Variants in DNM2 observed in about 807,000 individuals in gnomAD.
DNM2 encodes the protein dynamin 2, also known as dynamin-2.
Under a neutral mutation model 99.0 loss-of-function variants are expected in DNM2, and 15 were observed. That is an observed-to-expected ratio of 0.15 (90% CI 0.10 to 0.23). The LOEUF (loss-of-function observed/expected upper bound fraction) is 0.23. Among genes scored for constraint, DNM2 ranks in the 10% least tolerant of loss-of-function variants. The pLI is 1.00. For missense variants in DNM2, 742 were observed against 1,189.4 expected (o/e 0.62, Z 5.53); for synonymous variants, 525 against 481.2 (o/e 1.09, Z -1.19).
intron 1 of DNM2, among the ~76,000 whole-genome samples, chr19:10,750,238 G>A (rs2070145065): frequency 6.6e-6 from 1 of 152,132 alleles, no homozygotes; most frequent in Non-Finnish European, 1.5e-5. Context: ...CGGTGCTTTG[G>A]GAGGCCGATG....
At chr19:10,776,107 G>T (rs1405913120) in intron 4 of DNM2, among the ~76,000 whole-genome samples, 1 of 152,102 alleles carries the variant, frequency 6.6e-6, no homozygotes, top group African/African-American at 2.4e-5. Flanking sequence ...GCAGTTGGAC[G>T]GTCCTCCTTG....
intron 1 of DNM2, among the ~76,000 whole-genome samples, chr19:10,733,027 A>T (rs1327848610): frequency 2.7e-5 from 4 of 150,914 alleles, no homozygotes; most frequent in African/African-American, 9.8e-5. Context: ...GGGATTACAG[A>T]CACCTGTCAC....
chr19:10,816,510 C>T lies in DNM2; in HGVS notation c.1672-3470C>T, dbSNP rs527938675. 2.2e-4 allele frequency among the ~76,000 whole-genome samples: 34 copies of T among 152,170 alleles called. No individual in the cohort carries two copies. In the South Asian group the frequency reaches 3.9e-3, roughly 18 times the overall value. On this transcript the variant is annotated intron_variant, in intron 15 of 20. Transcript: ENST00000389253. This position sits in a 1 kb window ranked among gnomAD's most constrained non-coding sequence, Gnocchi z 4.6. ...CAGGCGTGGTCTGCAGCCTTCTCCC[C>T]GCCTCAGGCACCTCTAGGAACTCAC...
intron 15 of DNM2, among the ~76,000 whole-genome samples, chr19:10,813,283 G>A (rs1241089010): frequency 6.6e-6 from 1 of 152,200 alleles, no homozygotes; most frequent in East Asian, 1.9e-4. Flanking sequence ...CTGCGAGTGA[G>A]GGGGCAGGCC....
Position 10,776,581 on chromosome 19 carries a change from C to T in DNM2, c.590-537C>T, listed in dbSNP as rs144523885. Among the ~76,000 whole-genome samples the T allele has an allele frequency of 3.2e-3, 491 of 152,342 alleles. 1 individual carries two copies. The highest frequency in any genetic ancestry group is 0.011 in the African/African-American group (471 of 41,570). On this transcript the variant is annotated intron_variant, in intron 4 of 20. Transcript: ENST00000389253. ...AGCACAGAGCCAGGCCCTCAGCCCC[C>T]GTGGGAGCAGTTGATCTGCAGAGGT...
At chr19:10,737,901 T>C (rs745979825) in intron 1 of DNM2, among the ~76,000 whole-genome samples, 27 of 152,260 alleles carry the variant, frequency 1.8e-4, no homozygotes, top group Non-Finnish European at 2.8e-4. Flanking sequence ...CGATAGGTAA[T>C]CGGGGCACCC....
intron 6 of DNM2, among the ~76,000 whole-genome samples, chr19:10,785,278 C>A (rs567957881): frequency 4.6e-5 from 7 of 151,632 alleles, no homozygotes; most frequent in African/African-American, 1.5e-4. Flanking sequence ...TCACCACACC[C>A]GGCTAATTTT....
intron 2 of DNM2, 42 bp downstream of exon 2, chr19:10,759,853 G>A: frequency 6.2e-7 from 1 of 1,613,386 alleles, no homozygotes. Context: ...AGTGGATGTG[G>A]ATGTGTGGTT....
At chr19:10,721,712 A>AT (rs1199420560) in intron 1 of DNM2, among the ~76,000 whole-genome samples, 1 of 152,000 alleles carries the variant, frequency 6.6e-6, no homozygotes, top group Admixed American at 6.6e-5. Context: ...CCGAGCCTGG[A>AT]TTTTCTAAGG....
At chr19:10,736,286 AAG>A (rs989586791) in intron 1 of DNM2, among the ~76,000 whole-genome samples, 1 of 151,754 alleles carries the variant, frequency 6.6e-6, no homozygotes, top group Admixed American at 6.6e-5. Context: ...AAAAGAAAAA[AAG>A]AAAAAAATAG....
chr19:10,803,290 C>T (rs1215530149), intron 12 of DNM2, among the ~76,000 whole-genome samples: 1 of 152,138 alleles, frequency 6.6e-6, no homozygotes, highest in African/African-American at 2.4e-5. Flanking sequence ...ATCGGTGCAC[C>T]TGACAAAGCT....
At chr19:10,760,923 A>G (rs1599498084) in intron 2 of DNM2, among the ~76,000 whole-genome samples, 1 of 149,000 alleles carries the variant, frequency 6.7e-6, no homozygotes, top group East Asian at 2.0e-4. Flanking sequence ...AGCTTCCCAC[A>G]GTGCTGGGAT....
intron 1 of DNM2, among the ~76,000 whole-genome samples, chr19:10,730,738 G>A (rs1160482357): frequency 1.3e-5 from 2 of 152,224 alleles, no homozygotes; most frequent in African/African-American, 4.8e-5. Context: ...TTCGAGGGCT[G>A]TAAGATGGGG....
chr19:10,774,728 C>CTTTTTTTTTTTTTTT (rs34413054), intron 3 of DNM2, among the ~76,000 whole-genome samples: 1 of 121,458 alleles, frequency 8.2e-6, no homozygotes, highest in African/African-American at 3.2e-5. Context: ...TTGGCCTATG[C>CTTTTTTTTTTTTTTT]TTTTTTTTTT....
At chr19:10,804,274 A>G (rs2072259024) in intron 12 of DNM2, among the ~76,000 whole-genome samples, 1 of 152,096 alleles carries the variant, frequency 6.6e-6, no homozygotes, top group African/African-American at 2.4e-5. Context: ...CCTCACTGTC[A>G]CCCAGCCATC....
chr19:10,757,687 G>C (rs1036315866), intron 1 of DNM2, among the ~76,000 whole-genome samples: 4 of 152,176 alleles, frequency 2.6e-5, no homozygotes, highest in African/African-American at 9.7e-5. Flanking sequence ...GCTCACACCT[G>C]TAAACCCAGC....
intron 1 of DNM2, among the ~76,000 whole-genome samples, chr19:10,750,404 G>C (rs562663411): frequency 1.3e-5 from 2 of 152,100 alleles, no homozygotes; most frequent in South Asian, 4.2e-4. Context: ...ACTAGGGTCC[G>C]GGAGTTCAAG....
At chr19:10,745,109 C>T (rs1024106483) in intron 1 of DNM2, among the ~76,000 whole-genome samples, 1 of 152,184 alleles carries the variant, frequency 6.6e-6, no homozygotes, top group African/African-American at 2.4e-5. Context: ...GACCTCAAGC[C>T]TGCTGTCCAT....
intron 2 of DNM2, among the ~76,000 whole-genome samples, chr19:10,771,861 G>T (rs2070991896): frequency 6.6e-6 from 1 of 151,930 alleles, no homozygotes; most frequent in African/African-American, 2.4e-5. Context: ...TTGGGGGAGG[G>T]GGATTCATAA....
Sources: allele counts gnomAD v4.1 joint callset (sites outside exome capture counted in the v4.1 genomes callset), GRCh38; gene constraint gnomAD v4.1.1; non-coding constraint Gnocchi (gnomAD v3.1); transcripts MANE v1.5; gene names NCBI Gene and HGNC (gene_info 2026-07-23, HGNC 2026-07-21).